ATE1: variants seen among roughly 807,000 people sequenced by gnomAD.
ATE1 encodes arginyl-tRNA--protein transferase 1.
In ATE1, 36 loss-of-function variants were observed where a neutral mutation model predicts 70.5. The ratio of observed to expected loss-of-function variants is 0.51; its 90% CI spans 0.39 to 0.67. The LOEUF (loss-of-function observed/expected upper bound fraction) is 0.67. Among genes scored for constraint, ATE1 ranks in the 30% least tolerant of loss-of-function variants. The pLI is 0.00. For missense variants in ATE1, 593 were observed against 629.5 expected (o/e 0.94, Z 0.62); for synonymous variants, 232 against 219.3 (o/e 1.06, Z -0.51).
chr10:121,927,600 C>T, intron 1 of ATE1: 1 of 967,014 alleles, frequency 1.0e-6, no homozygotes, highest in Non-Finnish European at 1.2e-6. Context: ...GCGTCCGTCT[C>T]CCGACTCTGG....
Position 121,790,195 on chromosome 10 carries a change from C to T in ATE1, c.1352G>A (p.Cys451Tyr). 6.2e-7 allele frequency: 1 copy of T among 1,613,960 alleles called. No individual in the cohort carries two copies. The highest frequency in any genetic ancestry group is 8.5e-7 in the Non-Finnish European group (1 of 1,179,924). ...TGCTTCTGGGTCCTGGTTGAAACGG[C>T]AGTACTTGGAGTTTTCAAGTGAAGG... Reference protein sequence around the residue: ...CLPSLENSKYCRFNQDPEAVD... With the variant: ...CLPSLENSKYYRFNQDPEAVD... Residue 451 changes from cysteine to tyrosine, a missense_variant, in exon 11 of 12, where the codon TGC becomes TAC. Transcript: ENST00000224652.
chr10:121,829,195 C>T (rs551336910), intron 10 of ATE1, among the ~76,000 whole-genome samples: 18 of 152,168 alleles, frequency 1.2e-4, no homozygotes, highest in African/African-American at 2.6e-4. Context: ...GAGGCCGAGG[C>T]GGGCAGAGCA....
chr10:121,817,293 T>C lies in ATE1; in HGVS notation c.1257+19425A>G, dbSNP rs185386868. On this transcript the variant is annotated intron_variant, in intron 10 of 11. Coordinates refer to ENST00000224652, the MANE Select transcript of ATE1 (RefSeq NM_001001976.3). The stretch of plus-strand genomic sequence containing the variant: ...CAGCGGCTCACGCCTGTAATCCCAG[T>C]ACTTTGGGAGGCCAAGGCGGGCGGA... Among the ~76,000 whole-genome samples the C allele has an allele frequency of 2.8e-3, 428 of 152,262 alleles. 2 individuals are homozygous for C. The highest frequency in any genetic ancestry group is 9.3e-3 in the African/African-American group (387 of 41,540).
intron 8 of ATE1, among the ~76,000 whole-genome samples, chr10:121,852,770 T>G (rs1169323381): frequency 9.2e-5 from 14 of 152,162 alleles, no homozygotes; most frequent in African/African-American, 3.4e-4. Context: ...GCTTCATTTC[T>G]CTAAAACATC....
intron 11 of ATE1, among the ~76,000 whole-genome samples, chr10:121,780,334 C>G (rs1167688954): frequency 2.0e-5 from 3 of 152,164 alleles, no homozygotes; most frequent in Non-Finnish European, 2.9e-5. Context: ...CCCTCCCCAC[C>G]ACCAAACACA....
intron 8 of ATE1, 94 bp from the exon 9 acceptor site, chr10:121,841,357 C>A: frequency 1.1e-6 from 1 of 892,928 alleles, no homozygotes; most frequent in South Asian, 5.6e-5. Context: ...GTTAATAAGT[C>A]CTTAACTTTC....
intron 10 of ATE1, among the ~76,000 whole-genome samples, chr10:121,829,688 G>A (rs1328033527): frequency 2.0e-5 from 3 of 148,852 alleles, no homozygotes; most frequent in Non-Finnish European, 4.4e-5. Flanking sequence ...CAGCCTGGGC[G>A]ACAGAGCGAG....
At chr10:121,766,074 A>G (rs1293342393) in intron 11 of ATE1, among the ~76,000 whole-genome samples, 1 of 152,202 alleles carries the variant, frequency 6.6e-6, no homozygotes, top group Admixed American at 6.5e-5. Flanking sequence ...TTTTAAACCT[A>G]AAACTGCCTG....
chr10:121,802,657 A>G (rs1210931451), intron 10 of ATE1, among the ~76,000 whole-genome samples: 1 of 151,970 alleles, frequency 6.6e-6, no homozygotes, highest in Non-Finnish European at 1.5e-5. Context: ...CTCTTACTTT[A>G]CCAAGCTTTC....
intron 11 of ATE1, among the ~76,000 whole-genome samples, chr10:121,788,713 T>C (rs185033378): frequency 6.6e-6 from 1 of 152,278 alleles, no homozygotes; most frequent in East Asian, 1.9e-4. Context: ...GGGTGGTAGC[T>C]AGAAAAATGT....
chr10:121,803,623 G>T (rs1488621038), intron 10 of ATE1, among the ~76,000 whole-genome samples: 2 of 152,136 alleles, frequency 1.3e-5, no homozygotes, highest in African/African-American at 4.8e-5. Context: ...TATATGCCCT[G>T]AATCAAACAA....
At chr10:121,876,945 C>G (rs1321923108) in intron 7 of ATE1, among the ~76,000 whole-genome samples, 30 of 147,076 alleles carry the variant, frequency 2.0e-4, no homozygotes, top group Non-Finnish European at 3.4e-4. Context: ...CAGCCTGGGC[C>G]ACAGAGCGAC....
In ATE1 at chr10:121,845,604, T is replaced by C. The variant is rs538036255; in HGVS notation, c.976-4341A>G. ...ACAGGAACTCTGCACCTAAGCACCG[T>C]ATCCTACTTGATAAAGTTGTTTCCC... On this transcript the variant is annotated intron_variant, in intron 8 of 11. Transcript: ENST00000224652. Among the ~76,000 whole-genome samples the C allele has an allele frequency of 8.5e-5, 13 of 152,304 alleles. 1 individual carries two copies. Among genetic ancestry groups the C allele is most frequent in the African/African-American group, 3.1e-4 (13 of 41,566 alleles).
intron 3 of ATE1, among the ~76,000 whole-genome samples, chr10:121,916,137 G>C (rs1383428157): frequency 1.3e-5 from 2 of 151,326 alleles, no homozygotes; most frequent in Admixed American, 6.6e-5. Context: ...TGAGGCAGGA[G>C]AATGGCATGA....
chr10:121,773,922 G>A (rs1317280168), intron 11 of ATE1, among the ~76,000 whole-genome samples: 1 of 152,106 alleles, frequency 6.6e-6, no homozygotes, highest in Non-Finnish European at 1.5e-5. Flanking sequence ...ACATAGTTAT[G>A]AAATGGCTGT....
chr10:121,789,390 C>A (rs867223668), intron 11 of ATE1, among the ~76,000 whole-genome samples: 1 of 150,404 alleles, frequency 6.6e-6, no homozygotes, highest in African/African-American at 2.4e-5. Context: ...CCTCCACCTC[C>A]CAGGTTCAAG....
intron 8 of ATE1, among the ~76,000 whole-genome samples, chr10:121,846,074 A>C (rs1350617487): frequency 6.6e-6 from 1 of 151,374 alleles, no homozygotes; most frequent in Non-Finnish European, 1.5e-5. Context: ...GAACTCAGGC[A>C]GGAAATATAC....
intron 8 of ATE1, among the ~76,000 whole-genome samples, chr10:121,864,902 A>G (rs1305914020): frequency 6.6e-6 from 1 of 152,118 alleles, no homozygotes; most frequent in Non-Finnish European, 1.5e-5. Flanking sequence ...AGCTTCCCAT[A>G]ATGTGCAGGA....
chr10:121,773,554 G>A (rs902835820), intron 11 of ATE1, among the ~76,000 whole-genome samples: 3 of 152,084 alleles, frequency 2.0e-5, no homozygotes, highest in Non-Finnish European at 2.9e-5. Context: ...GTCCCTAAAG[G>A]TTGAGACTTT....
Sources: gnomAD v4.1 joint callset for allele counts (sites outside exome capture counted in the v4.1 genomes callset) on GRCh38, gnomAD v4.1.1 for gene constraint, MANE v1.5 for transcripts, NCBI Gene and HGNC (gene_info 2026-07-23, HGNC 2026-07-21) for gene names.